GATB: variants seen among roughly 807,000 people sequenced by gnomAD.
GATB encodes glutamyl-tRNA(Gln) amidotransferase subunit B, mitochondrial.
A neutral mutation model predicts 62.3 loss-of-function variants in GATB; 39 were observed. The observed-to-expected ratio is 0.63, with a 90% confidence interval of 0.48 to 0.82. The LOEUF (loss-of-function observed/expected upper bound fraction) is 0.82. Among genes scored for constraint, GATB ranks in the 40% least tolerant of loss-of-function variants. The pLI is 0.00. For synonymous variants in GATB, 276 were observed against 258.9 expected (o/e 1.07, Z -0.63); for missense variants, 670 against 684.0 (o/e 0.98, Z 0.23).
At chr4:151,695,496 C>CA (rs1215008682) in intron 9 of GATB, among the ~76,000 whole-genome samples, 10 of 152,110 alleles carry the variant, frequency 6.6e-5, no homozygotes, top group Non-Finnish European at 1.5e-4. Context: ...AACTAGCATC[C>CA]GGCACTGCAG....
At chr4:151,732,569 C>T (rs1366896000) in intron 2 of GATB, among the ~76,000 whole-genome samples, 1 of 152,080 alleles carries the variant, frequency 6.6e-6, no homozygotes, top group African/African-American at 2.4e-5. Flanking sequence ...TACCCAGGGA[C>T]ACAAACACTG....
chr4:151,688,463 C>A (rs961496720), intron 10 of GATB, among the ~76,000 whole-genome samples, 167 bp downstream of exon 10: 1 of 152,192 alleles, frequency 6.6e-6, no homozygotes, highest in Non-Finnish European at 1.5e-5. Context: ...CATTTTTACA[C>A]GGGCTAGAGA....
Position 151,716,995 on chromosome 4 carries a change from T to A in GATB, c.521A>T (p.Lys174Met), listed in dbSNP as rs1738926069. ...SLIYGVCAGKKQSQVIPKTVR... is the reference protein window; with the variant it reads ...SLIYGVCAGKMQSQVIPKTVR... ...CGTCTTGGGGATCACCTGACTCTGC[T>A]TCTTCCCTGCACAGACGCCATATAT... The change falls in exon 4 of 13, where the codon AAG (lysine) becomes ATG (methionine). Residue 174 changes from lysine to methionine, a missense_variant. By Grantham distance (95) the Lys-to-Met change is moderately conservative. Coordinates refer to ENST00000263985, the MANE Select transcript of GATB (RefSeq NM_004564.3). 3 of 1,614,178 alleles carry A rather than the reference T, an allele frequency of 1.9e-6. No individual in the cohort carries two copies. Among genetic ancestry groups the A allele is most frequent in the Non-Finnish European group, 2.5e-6 (3 of 1,180,032 alleles).
chr4:151,680,372 AAC>A (rs1377751863), intron 10 of GATB, among the ~76,000 whole-genome samples: 2 of 152,104 alleles, frequency 1.3e-5, no homozygotes, highest in African/African-American at 4.8e-5. Context: ...TCTGCAAGGG[AAC>A]ACAATGACTA....
chr4:151,672,717 G>T, intron 12 of GATB, 45 bp downstream of exon 12: 1 of 1,600,772 alleles, frequency 6.2e-7, no homozygotes, highest in East Asian at 2.2e-5. Flanking sequence ...TCTTGGGCAT[G>T]TCCTGGGGCT....
intron 2 of GATB, among the ~76,000 whole-genome samples, chr4:151,748,845 G>A (rs1272169596): frequency 2.6e-5 from 4 of 152,108 alleles, no homozygotes; most frequent in South Asian, 4.1e-4. Context: ...AAAGGTGGGC[G>A]AAGGATATGA....
chr4:151,718,708 G>A (rs1028085430), intron 3 of GATB, among the ~76,000 whole-genome samples: 6 of 152,280 alleles, frequency 3.9e-5, no homozygotes, highest in African/African-American at 1.2e-4. Context: ...CATCATCACT[G>A]TTGTTTTTCT....
chr4:151,703,835 C>A lies in GATB; in HGVS notation c.1007+16G>T. On this transcript the variant is annotated intron_variant, in intron 8 of 12. Coordinates refer to ENST00000263985, the MANE Select transcript of GATB (RefSeq NM_004564.3). ...CCCCCGATATATAGCGGTATTTTGCCATAAGGAGTAACCACCTGTAGTCCT... is the reference window on the plus strand; with the variant it reads ...CCCCCGATATATAGCGGTATTTTGCAATAAGGAGTAACCACCTGTAGTCCT... The A allele has an allele frequency of 6.4e-7, 1 of 1,556,320 alleles. No individual in the cohort carries two copies. Among genetic ancestry groups the A allele is most frequent in the Non-Finnish European group, 8.9e-7 (1 of 1,127,306 alleles).
chr4:151,672,715 A>ATG, intron 12 of GATB, 47 bp downstream of exon 12: 4 of 1,593,962 alleles, frequency 2.5e-6, no homozygotes, highest in Non-Finnish European at 2.6e-6. Context: ...GCTCTTGGGC[A>ATG]TGTCCTGGGG....
intron 5 of GATB, among the ~76,000 whole-genome samples, chr4:151,714,641 T>C (rs1738879693): frequency 1.3e-5 from 2 of 152,238 alleles, no homozygotes; most frequent in South Asian, 4.1e-4. Flanking sequence ...TATTTCTCAG[T>C]TAACAGGTGA....
At chr4:151,692,258 T>G (rs1165782660) in intron 9 of GATB, among the ~76,000 whole-genome samples, 1 of 152,174 alleles carries the variant, frequency 6.6e-6, no homozygotes, top group African/African-American at 2.4e-5. Flanking sequence ...CCTCTGCGGT[T>G]TGTGCTTTTA....
chr4:151,748,341 G>A (rs1739644719), intron 2 of GATB, among the ~76,000 whole-genome samples: 1 of 152,150 alleles, frequency 6.6e-6, no homozygotes. Flanking sequence ...ACAGAACAGA[G>A]CCCTCAGAAA....
intron 2 of GATB, among the ~76,000 whole-genome samples, chr4:151,752,425 T>A (rs982156169): frequency 2.0e-5 from 3 of 152,200 alleles, no homozygotes; most frequent in Non-Finnish European, 4.4e-5. Context: ...GAGTCTCTTA[T>A]TAATCAGATG....
Position 151,705,169 on chromosome 4 carries a change from A to C in GATB, c.962+16T>G. ...ACCCCCGGCTGTGGTCAGGACGCTC[A>C]GCAATGCGAACTCACCCCAGCTTGT... is the stretch of plus-strand genomic sequence containing the variant. On this transcript the variant is annotated intron_variant, in intron 7 of 12. Transcript: ENST00000263985. 1 of 1,594,320 alleles carries C rather than the reference A, an allele frequency of 6.3e-7. No homozygotes were observed. The highest frequency in any genetic ancestry group is 1.1e-5 in the South Asian group (1 of 90,590).
intron 2 of GATB, among the ~76,000 whole-genome samples, chr4:151,736,666 A>G (rs1739380317): frequency 6.6e-6 from 1 of 152,246 alleles, no homozygotes; most frequent in South Asian, 2.1e-4. Flanking sequence ...TGCAAAGTTA[A>G]AAACATGAGT....
At chr4:151,698,451 T>C (rs1042145750) in intron 9 of GATB, among the ~76,000 whole-genome samples, 2 of 151,970 alleles carry the variant, frequency 1.3e-5, no homozygotes, top group Non-Finnish European at 2.9e-5. Flanking sequence ...GAGCACAGAG[T>C]TGCAGCTCTG....
intron 9 of GATB, among the ~76,000 whole-genome samples, chr4:151,699,355 C>G (rs1196687607): frequency 1.3e-5 from 2 of 149,490 alleles, no homozygotes. Flanking sequence ...TGCCACTGCA[C>G]TCCAGCCTGG....
intron 5 of GATB, 36 bp from the exon 6 acceptor site, chr4:151,708,137 C>A (rs1560851903): frequency 2.2e-6 from 3 of 1,391,062 alleles, no homozygotes; most frequent in African/African-American, 1.4e-5. Flanking sequence ...CTTAGAAATT[C>A]TTTGAGGTGA....
At chr4:151,734,449 CACAG>C (rs1739329033) in intron 2 of GATB, among the ~76,000 whole-genome samples, 1 of 151,786 alleles carries the variant, frequency 6.6e-6, no homozygotes, top group Non-Finnish European at 1.5e-5. Flanking sequence ...TCACAAATGA[CACAG>C]ACAAATAGAA....
Sources: gnomAD v4.1 joint callset for allele counts (sites outside exome capture counted in the v4.1 genomes callset) on GRCh38, gnomAD v4.1.1 for gene constraint, MANE v1.5 for transcripts, NCBI Gene and HGNC (gene_info 2026-07-23, HGNC 2026-07-21) for gene names.